The following LIPI variants were observed in gnomAD, a reference collection of about 807,000 sequenced individuals.
LIPI encodes the protein lipase I.
LIPI carries 59 observed loss-of-function variants against 50.6 expected under a neutral mutation model. The ratio of observed to expected loss-of-function variants is 1.16; its 90% confidence interval spans 0.94 to 1.45. The LOEUF (loss-of-function observed/expected upper bound fraction) is 1.45, where lower values mean the gene tolerates loss of function less well. LIPI is among the 40% of genes most tolerant of loss of function. The pLI is 0.00. For missense variants in LIPI, 586 were observed against 536.3 expected, an observed-to-expected ratio of 1.09 and a Z score of -0.92; for synonymous variants, 203 against 178.2, an observed-to-expected ratio of 1.14 and a Z score of -1.11.
In LIPI at chr21:14,189,793, T is replaced by C. The variant is rs186485747; in HGVS notation, c.47-374A>G. ...GTTTTACAGAGTAGTCCTTGTACAA[T>C]AAGCATTAGCATAAAATATATTTAA... On this transcript the variant is annotated intron_variant, in intron 1 of 9. Transcript: ENST00000681601. Among the ~76,000 whole-genome samples the C allele has an allele frequency of 1.7e-3, 253 of 152,220 alleles. 1 individual carries two copies. Among genetic ancestry groups the C allele is most frequent in the Admixed American group, 3.1e-3 (47 of 15,278 alleles).
At chr21:14,142,261 A>G (rs2017738387) in intron 9 of LIPI, among the ~76,000 whole-genome samples, 1 of 152,084 alleles carries the variant, frequency 6.6e-6, no homozygotes, top group Admixed American at 6.6e-5. Context: ...ATGTATACCT[A>G]TGTAACAAAC....
Position 14,168,318 on chromosome 21 carries a change from A to T in LIPI, c.644-1867T>A, listed in dbSNP as rs143223570. Among the ~76,000 whole-genome samples the T allele has an allele frequency of 3.4e-3, 513 of 152,348 alleles. 10 individuals are homozygous for T. Among genetic ancestry groups the T allele is most frequent in the East Asian group, 0.033 (169 of 5,182 alleles). On this transcript the variant is annotated intron_variant, in intron 4 of 9. Coordinates refer to ENST00000681601, the MANE Select transcript of LIPI (RefSeq NM_001302998.2). Reference sequence around the variant, plus strand: ...AGATATTATCCAGGAGGACTTCCCCAATCTAGCGAGGAAGGCCAACATTCA... The same window carrying T: ...AGATATTATCCAGGAGGACTTCCCCTATCTAGCGAGGAAGGCCAACATTCA...
In LIPI at chr21:14,190,363, G is replaced by A. The variant is rs1289525230; in HGVS notation, c.47-944C>T. Among the ~76,000 whole-genome samples the A allele has an allele frequency of 3.3e-5, 5 of 151,792 alleles. No individual in the cohort carries two copies. In the East Asian group the frequency reaches 9.6e-4, roughly 29 times the overall value. ...ATAGTGGTTTTTTTTCCAGATGATA[G>A]TATATGTTCATACTGCTTCTAGCAC... On this transcript the variant is annotated intron_variant, in intron 1 of 9. Transcript: ENST00000681601.
At chr21:14,195,146 C>G (rs190583218) in intron 1 of LIPI, among the ~76,000 whole-genome samples, 1 of 152,074 alleles carries the variant, frequency 6.6e-6, no homozygotes, top group East Asian at 1.9e-4. Flanking sequence ...AAGTCTGAGA[C>G]AACTAGAATT....
intron 7 of LIPI, among the ~76,000 whole-genome samples, chr21:14,161,894 A>AATATAGATATATAAC (rs201535338): frequency 0.031 from 3,662 of 117,208 alleles, 146 homozygotes; most frequent in Non-Finnish European, 0.043. Context: ...ATATTAATAT[A>AATATAGATATATAAC]ATATAGATAT....
intron 5 of LIPI, among the ~76,000 whole-genome samples, chr21:14,165,618 T>A (rs1488139985): frequency 6.6e-6 from 1 of 152,160 alleles, no homozygotes; most frequent in African/African-American, 2.4e-5. Flanking sequence ...AAGTAATAAT[T>A]AACATAGCAA....
chr21:14,169,198 T>A (rs936569151), intron 4 of LIPI, among the ~76,000 whole-genome samples: 24 of 152,074 alleles, frequency 1.6e-4, no homozygotes, highest in Non-Finnish European at 1.8e-4. Context: ...TACAGGAGCA[T>A]CCAGATTCAT....
At chr21:14,140,053 GAGC>G (rs1271625811) in intron 9 of LIPI, among the ~76,000 whole-genome samples, 2 of 152,092 alleles carry the variant, frequency 1.3e-5, no homozygotes, top group Non-Finnish European at 2.9e-5. Flanking sequence ...TGAGATTGTT[GAGC>G]AGAGGTGTGA....
chr21:14,196,172 A>ACAAT (rs1555860396), intron 1 of LIPI, among the ~76,000 whole-genome samples: 33,457 of 137,898 alleles, frequency 0.24, 4,464 homozygotes, highest in South Asian at 0.28. Flanking sequence ...AAAAAACAAA[A>ACAAT]CAAGAAGTAT....
At chr21:14,141,690 C>T (rs780839230) in intron 9 of LIPI, among the ~76,000 whole-genome samples, 6 of 152,128 alleles carry the variant, frequency 3.9e-5, no homozygotes, top group Non-Finnish European at 8.8e-5. Flanking sequence ...GTGGTAGCTG[C>T]CCTGGCATTT....
chr21:14,135,122 C>T (rs1380438995), intron 9 of LIPI, among the ~76,000 whole-genome samples: 1 of 151,848 alleles, frequency 6.6e-6, no homozygotes, highest in Non-Finnish European at 1.5e-5. Context: ...AAAAAGTGGG[C>T]GAGGACATGA....
At chr21:14,197,347 T>C (rs2123316826) in intron 1 of LIPI, among the ~76,000 whole-genome samples, 1 of 152,186 alleles carries the variant, frequency 6.6e-6, no homozygotes, top group East Asian at 1.9e-4. Flanking sequence ...GCATTAAGAT[T>C]TGAAAAGTAG....
chr21:14,119,779 G>C (rs1169721792), intron 9 of LIPI, among the ~76,000 whole-genome samples: 1 of 152,194 alleles, frequency 6.6e-6, no homozygotes, highest in Admixed American at 6.5e-5. Flanking sequence ...TTGGCCTGTA[G>C]CATATTTGTC....
chr21:14,185,354 T>C (rs2019415929), intron 3 of LIPI, among the ~76,000 whole-genome samples: 1 of 152,214 alleles, frequency 6.6e-6, no homozygotes. Flanking sequence ...TATTTTTCTT[T>C]AATGAGTCAT....
rs750775979 is a variant in LIPI at position 14,165,383 on chromosome 21, T to C, written c.741A>G (p.Gln247=). Residue 247 remains glutamine (Q), a synonymous_variant, in exon 6 of 10, where the codon CAA becomes CAG. Transcript: ENST00000681601. ...CTCTCTGGTGGTTGCATTTAATGAA[T>C]TGAATTCCTTAAGGGTTAAAAAAAA... ...GCPKSIFSGI[Q]FIKCNHQRAV... is the part of the protein sequence containing the mutation. 3.2e-5 allele frequency: 51 copies of C among 1,610,164 alleles called. No individual in the cohort carries two copies. The South Asian group carries it at 5.3e-4, about 17-fold the overall frequency.
intron 9 of LIPI, among the ~76,000 whole-genome samples, chr21:14,142,426 A>T (rs1430813749): frequency 6.7e-6 from 1 of 150,084 alleles, no homozygotes; most frequent in Non-Finnish European, 1.5e-5. Context: ...ATTATAGATT[A>T]TAATAATTAT....
chr21:14,201,523 G>T (rs1001235127), intron 1 of LIPI, among the ~76,000 whole-genome samples: 1 of 152,086 alleles, frequency 6.6e-6, no homozygotes, highest in Non-Finnish European at 1.5e-5. Flanking sequence ...ATGCAAGGCT[G>T]GTTCAACATA....
intron 9 of LIPI, among the ~76,000 whole-genome samples, chr21:14,132,451 A>C (rs1203494394): frequency 6.6e-6 from 1 of 152,168 alleles, no homozygotes; most frequent in Non-Finnish European, 1.5e-5. Context: ...GTTTTGGCCA[A>C]AATATTTATA....
In LIPI at chr21:14,118,401, C is replaced by T. The variant is rs377765270; in HGVS notation, c.1296-9321G>A. ...AGCCACAGTTATCACAGAAAAGACA[C>T]CTTTTTTCAAATGAAAGAGATGTAT... On this transcript the variant is annotated intron_variant, in intron 9 of 9. Coordinates refer to ENST00000681601, the MANE Select transcript of LIPI (RefSeq NM_001302998.2). 1.2e-4 allele frequency among the ~76,000 whole-genome samples: 19 copies of T among 152,238 alleles called. No individual in the cohort carries two copies. The East Asian group carries it at 3.7e-3, about 29-fold the overall frequency.
Sources: allele counts gnomAD v4.1 joint callset (sites outside exome capture counted in the v4.1 genomes callset), GRCh38; gene constraint gnomAD v4.1.1; transcripts MANE v1.5; gene names NCBI Gene and HGNC (gene_info 2026-07-23, HGNC 2026-07-21).